SORCS2: variants seen among roughly 807,000 people sequenced by gnomAD.
The protein encoded by SORCS2 is VPS10 domain-containing receptor SorCS2.
SORCS2 carries 100 observed loss-of-function variants against 141.6 expected under a neutral mutation model. The observed-to-expected ratio is 0.71, with a 90% CI of 0.60 to 0.83. SORCS2 has a LOEUF of 0.83. Ranked by LOEUF, SORCS2 falls within the 40% of genes least tolerant of loss-of-function variation. The probability of loss-of-function intolerance (pLI) is 0.00; values close to 1 mark genes in which losing one functional copy is unlikely to be tolerated. For missense variants in SORCS2, 1,646 were observed against 1,560.2 expected (o/e 1.05, Z -0.93); for synonymous variants, 789 against 676.9 (o/e 1.17, Z -2.57).
chr4:7,346,166 C>T (rs976689510), intron 1 of SORCS2, among the ~76,000 whole-genome samples: 1 of 152,114 alleles, frequency 6.6e-6, no homozygotes, highest in African/African-American at 2.4e-5. Flanking sequence ...AGGGTTTTCT[C>T]CCTTTTTAAT....
intron 14 of SORCS2, among the ~76,000 whole-genome samples, chr4:7,704,951 G>C (rs555826277): frequency 6.6e-6 from 1 of 152,136 alleles, no homozygotes; most frequent in African/African-American, 2.4e-5. Flanking sequence ...GCTGTGGCAC[G>C]GTGAGGCCAC....
intron 2 of SORCS2, among the ~76,000 whole-genome samples, chr4:7,414,334 T>C (rs560163611): frequency 7.1e-4 from 108 of 152,078 alleles, no homozygotes; most frequent in African/African-American, 2.5e-3. Flanking sequence ...TAGGTTCCCC[T>C]AGGAGGGACT....
chr4:7,719,889 A>G (rs954742906), intron 18 of SORCS2, among the ~76,000 whole-genome samples: 1 of 152,060 alleles, frequency 6.6e-6, no homozygotes, highest in African/African-American at 2.4e-5. Context: ...GGCGGAAGTG[A>G]AGAGAGTGAT....
At chr4:7,724,271 ATGGTGG>A (rs1205792946) in intron 19 of SORCS2, among the ~76,000 whole-genome samples, 6 of 126,004 alleles carry the variant, frequency 4.8e-5, no homozygotes, top group South Asian at 2.4e-4. Context: ...GATGGTGATG[ATGGTGG>A]TGGTGGTGGT....
At chr4:7,354,165 A>G (rs1307484350) in intron 1 of SORCS2, among the ~76,000 whole-genome samples, 2 of 152,106 alleles carry the variant, frequency 1.3e-5, no homozygotes, top group Non-Finnish European at 2.9e-5. Context: ...CCTTGGAAAG[A>G]GTCCCTGGTT....
chr4:7,553,800 G>C (rs1019109214), intron 3 of SORCS2, among the ~76,000 whole-genome samples: 1 of 152,214 alleles, frequency 6.6e-6, no homozygotes, highest in Non-Finnish European at 1.5e-5. Flanking sequence ...ACTGATATTC[G>C]GGAAGGGGAG....
chr4:7,421,081 C>T (rs1359938221), intron 2 of SORCS2, among the ~76,000 whole-genome samples: 2 of 152,154 alleles, frequency 1.3e-5, no homozygotes, highest in Admixed American at 6.5e-5. Context: ...GCTCAGGGAC[C>T]CTAGGGCTGT....
chr4:7,363,126 G>A (rs966567411), intron 1 of SORCS2, among the ~76,000 whole-genome samples: 20 of 141,358 alleles, frequency 1.4e-4, no homozygotes, highest in Admixed American at 3.5e-4. Context: ...AACCATCACC[G>A]TCACCATAAC....
intron 1 of SORCS2, among the ~76,000 whole-genome samples, chr4:7,264,724 G>A (rs1419829480): frequency 6.6e-6 from 1 of 152,204 alleles, no homozygotes; most frequent in African/African-American, 2.4e-5. Flanking sequence ...CCTATGGAAA[G>A]CCCCTCACCA....
intron 1 of SORCS2, among the ~76,000 whole-genome samples, chr4:7,238,954 C>T (rs1044018334): frequency 6.6e-5 from 10 of 152,342 alleles, no homozygotes; most frequent in African/African-American, 2.4e-4. Flanking sequence ...CTGGGCCATC[C>T]GTGGCTGCAT....
At chr4:7,261,395 T>G (rs1714309065) in intron 1 of SORCS2, among the ~76,000 whole-genome samples, 1 of 152,230 alleles carries the variant, frequency 6.6e-6, no homozygotes, top group Admixed American at 6.5e-5. Flanking sequence ...GCTTCATTAG[T>G]AAATGTGCTG....
intron 1 of SORCS2, among the ~76,000 whole-genome samples, chr4:7,239,752 T>C (rs1446576394): frequency 6.6e-6 from 1 of 152,198 alleles, no homozygotes; most frequent in African/African-American, 2.4e-5. Flanking sequence ...AAAAGACCAC[T>C]TTTGCCCTTT....
intron 7 of SORCS2, among the ~76,000 whole-genome samples, chr4:7,666,744 A>G (rs184495550): frequency 6.6e-6 from 1 of 152,160 alleles, no homozygotes; most frequent in African/African-American, 2.4e-5. Flanking sequence ...AGCACTCGAG[A>G]TGGTGCCGGC....
intron 3 of SORCS2, among the ~76,000 whole-genome samples, chr4:7,538,396 G>C (rs759868108): frequency 1.3e-5 from 2 of 152,212 alleles, no homozygotes; most frequent in Non-Finnish European, 2.9e-5. Context: ...GCTCAGATCA[G>C]CTTCGGGCCG....
At chr4:7,548,493 G>A (rs1007875914) in intron 3 of SORCS2, among the ~76,000 whole-genome samples, 1 of 152,298 alleles carries the variant, frequency 6.6e-6, no homozygotes, top group African/African-American at 2.4e-5. Flanking sequence ...AGTGCTTCAT[G>A]TCAGGGGGGT....
chr4:7,316,752 C>T (rs1049313931), intron 1 of SORCS2, among the ~76,000 whole-genome samples: 3 of 152,146 alleles, frequency 2.0e-5, no homozygotes, highest in Non-Finnish European at 4.4e-5. Flanking sequence ...TTGTACAGTT[C>T]GCAGCCATTC....
At chr4:7,650,519 G>A (rs1385455407) in intron 4 of SORCS2, among the ~76,000 whole-genome samples, 2 of 152,348 alleles carry the variant, frequency 1.3e-5, no homozygotes, top group African/African-American at 4.8e-5. Flanking sequence ...TGCTGTGCAC[G>A]GTGGGCGCTA....
intron 1 of SORCS2, among the ~76,000 whole-genome samples, chr4:7,340,274 G>C (rs1336910187): frequency 6.6e-6 from 1 of 152,286 alleles, no homozygotes; most frequent in Non-Finnish European, 1.5e-5. Flanking sequence ...TGCCCCATGT[G>C]ATGGAGTGTG....
intron 4 of SORCS2, among the ~76,000 whole-genome samples, chr4:7,642,056 G>C (rs1223842731): frequency 6.6e-6 from 1 of 152,196 alleles, no homozygotes; most frequent in Non-Finnish European, 1.5e-5. Context: ...GGATGGATGG[G>C]GATGGTTGGT....
Sources: gnomAD v4.1 joint callset for allele counts (sites outside exome capture counted in the v4.1 genomes callset) on GRCh38, gnomAD v4.1.1 for gene constraint, MANE v1.5 for transcripts, NCBI Gene and HGNC (gene_info 2026-07-23, HGNC 2026-07-21) for gene names.